CLVS2: variants seen among roughly 807,000 people sequenced by gnomAD.
The protein encoded by CLVS2 is clavesin-2.
Under a neutral mutation model 29.0 loss-of-function variants are expected in CLVS2, and 19 were observed. The ratio of observed to expected loss-of-function variants is 0.66; its 90% CI spans 0.46 to 0.96. CLVS2 has a LOEUF of 0.96. Among genes scored for constraint, CLVS2 ranks in the 40% least tolerant of loss-of-function variants. The pLI is 0.00. For missense variants in CLVS2, 294 were observed against 404.1 expected (o/e 0.73, Z 2.34); for synonymous variants, 161 against 151.3 (o/e 1.06, Z -0.47).
intron 3 of CLVS2, among the ~76,000 whole-genome samples, chr6:123,013,619 A>T (rs1483091853): frequency 6.6e-6 from 1 of 151,954 alleles, no homozygotes; most frequent in African/African-American, 2.4e-5. Flanking sequence ...ATCAATCCAC[A>T]TCATAAACCT....
At chr6:123,063,051 A>AG (rs1772801705) in intron 5 of CLVS2, among the ~76,000 whole-genome samples, 1 of 152,172 alleles carries the variant, frequency 6.6e-6, no homozygotes, top group African/African-American at 2.4e-5. Flanking sequence ...CCTAAACAAG[A>AG]GGGGGTTTTA....
At chr6:123,042,172 A>G (rs1446151840) in intron 3 of CLVS2, among the ~76,000 whole-genome samples, 3 of 152,202 alleles carry the variant, frequency 2.0e-5, no homozygotes, top group Non-Finnish European at 4.4e-5. Flanking sequence ...AACCCTTTCT[A>G]ACCATTGATT....
chr6:123,016,021 CTTT>C (rs58103603), intron 3 of CLVS2, among the ~76,000 whole-genome samples: 748 of 50,748 alleles, frequency 0.015, 5 homozygotes, highest in African/African-American at 0.053. Flanking sequence ...CAACATCAGA[CTTT>C]TTTTTTTTTT....
chr6:123,048,739 T>A lies in CLVS2; in HGVS notation c.675+7T>A. 1 of 1,555,646 alleles carries A rather than the reference T, an allele frequency of 6.4e-7. No individual in the cohort carries two copies. Among genetic ancestry groups the A allele is most frequent in the African/African-American group, 1.4e-5 (1 of 73,828 alleles). On this transcript the variant is annotated splice_region_variant and intron_variant, in intron 4 of 5. Transcript: ENST00000275162. ...GGAGAAAACTCGGAAAAGGGTATTCTTTTCTTTGATTTTTAATCCTTTCTC... is the reference window on the plus strand; with the variant it reads ...GGAGAAAACTCGGAAAAGGGTATTCATTTCTTTGATTTTTAATCCTTTCTC...
At chr6:123,049,120 C>T (rs1433348302) in intron 4 of CLVS2, among the ~76,000 whole-genome samples, 2 of 151,972 alleles carry the variant, frequency 1.3e-5, no homozygotes, top group African/African-American at 2.4e-5. Context: ...CAGTATGTAC[C>T]GCAATGAATG....
intron 5 of CLVS2, among the ~76,000 whole-genome samples, chr6:123,058,169 T>A (rs991817789): frequency 1.3e-5 from 2 of 152,134 alleles, no homozygotes; most frequent in Non-Finnish European, 2.9e-5. Context: ...AATTTATAAA[T>A]CCTCACAACA....
intron 5 of CLVS2, among the ~76,000 whole-genome samples, chr6:123,056,689 G>A (rs1772698108): frequency 1.3e-5 from 2 of 152,180 alleles, no homozygotes; most frequent in South Asian, 2.1e-4. Context: ...AGTAGGTGGA[G>A]TAGAGAGAGT....
In CLVS2 at chr6:123,067,714, T is replaced by G. The variant is rs951904517; in HGVS notation, c.*3953T>G. ...CTATATAAATACATAGCCTGAAACATAGTAATGCATTTGAAATTTGTGAGG... is the reference window on the plus strand; with the variant it reads ...CTATATAAATACATAGCCTGAAACAGAGTAATGCATTTGAAATTTGTGAGG... On this transcript the variant is annotated 3_prime_UTR_variant, in exon 6 of 6. Transcript: ENST00000275162. 1 of 151,698 alleles carries G rather than the reference T, an allele frequency of 6.6e-6. No individual in the cohort carries two copies. Among genetic ancestry groups the G allele is most frequent in the Non-Finnish European group, 1.5e-5 (1 of 67,724 alleles). The allele number at this position is 151,698 out of a possible 1,614,324, so 9.4% of individuals were successfully genotyped here.
chr6:123,048,500 A>C, intron 3 of CLVS2, 122 bp from the exon 4 acceptor site: 1 of 628,236 alleles, frequency 1.6e-6, no homozygotes, highest in East Asian at 2.7e-5. Flanking sequence ...TCTCTCCTTA[A>C]CTCCACAGAT....
At chr6:123,043,961 T>C (rs1055389098) in intron 3 of CLVS2, among the ~76,000 whole-genome samples, 2 of 152,122 alleles carry the variant, frequency 1.3e-5, no homozygotes, top group Admixed American at 6.5e-5. Flanking sequence ...CTGATACACA[T>C]ACACACACAC....
intron 3 of CLVS2, among the ~76,000 whole-genome samples, chr6:123,028,789 A>T (rs936611328): frequency 6.6e-6 from 1 of 152,054 alleles, no homozygotes; most frequent in Non-Finnish European, 1.5e-5. Flanking sequence ...CTGTTTCTCT[A>T]TCCCTTTCTC....
intron 2 of CLVS2, among the ~76,000 whole-genome samples, chr6:123,004,690 A>G (rs1214475692): frequency 6.6e-6 from 1 of 152,174 alleles, no homozygotes; most frequent in Non-Finnish European, 1.5e-5. Context: ...AGGCGTGTAG[A>G]TCACCTGAGG....
intron 3 of CLVS2, among the ~76,000 whole-genome samples, chr6:123,031,602 T>A (rs573831323): frequency 6.6e-6 from 1 of 152,220 alleles, no homozygotes; most frequent in Non-Finnish European, 1.5e-5. Context: ...ACAAAGTCTG[T>A]GTCTACCAAA....
At chr6:123,062,587 C>T (rs1486687859) in intron 5 of CLVS2, among the ~76,000 whole-genome samples, 1 of 152,116 alleles carries the variant, frequency 6.6e-6, no homozygotes, top group African/African-American at 2.4e-5. Flanking sequence ...CTTTCACCTT[C>T]ATTTTCATTC....
chr6:123,062,656 T>C (rs1298744357), intron 5 of CLVS2, among the ~76,000 whole-genome samples: 3 of 152,230 alleles, frequency 2.0e-5, no homozygotes, highest in Non-Finnish European at 2.9e-5. Context: ...GTTAATCCTG[T>C]AATTATTTTT....
chr6:123,013,782 G>T (rs2114311174), intron 3 of CLVS2, among the ~76,000 whole-genome samples: 1 of 151,814 alleles, frequency 6.6e-6, no homozygotes, highest in Non-Finnish European at 1.5e-5. Flanking sequence ...TTAGCATTAG[G>T]TATATCTCCT....
intron 3 of CLVS2, among the ~76,000 whole-genome samples, chr6:123,039,391 T>C (rs952993830): frequency 8.5e-5 from 13 of 152,202 alleles, no homozygotes; most frequent in African/African-American, 2.9e-4. Context: ...TGATTAAAAG[T>C]GGCACAGTTA....
intron 2 of CLVS2, among the ~76,000 whole-genome samples, chr6:122,999,681 G>GA (rs1457819172): frequency 6.6e-6 from 1 of 152,058 alleles, no homozygotes; most frequent in African/African-American, 2.4e-5. Context: ...TTTATTCAAG[G>GA]AAAAAACTAA....
chr6:123,043,084 A>G (rs980994837), intron 3 of CLVS2, among the ~76,000 whole-genome samples: 4 of 152,070 alleles, frequency 2.6e-5, no homozygotes, highest in Non-Finnish European at 5.9e-5. Flanking sequence ...AAACCAAATC[A>G]CTTTCAGAAA....
Sources: allele counts gnomAD v4.1 joint callset (sites outside exome capture counted in the v4.1 genomes callset), GRCh38; gene constraint gnomAD v4.1.1; transcripts MANE v1.5; gene names NCBI Gene and HGNC (gene_info 2026-07-23, HGNC 2026-07-21).